SGCZ: variants seen among roughly 807,000 people sequenced by gnomAD.
SGCZ encodes zeta-sarcoglycan.
In SGCZ, 40 loss-of-function variants were observed where a neutral mutation model predicts 41.3. The ratio of observed to expected loss-of-function variants is 0.97; its 90% CI spans 0.75 to 1.26. SGCZ has a LOEUF of 1.26. Ranked by LOEUF, SGCZ falls within the 50% of genes most tolerant of loss-of-function variation. The probability of loss-of-function intolerance (pLI) is 0.00; values close to 1 mark genes in which losing one functional copy is unlikely to be tolerated. For missense variants in SGCZ, 552 were observed against 369.8 expected, an observed-to-expected ratio of 1.49 and a Z score of -4.04; for synonymous variants, 206 against 137.5, an observed-to-expected ratio of 1.50 and a Z score of -3.49.
intron 4 of SGCZ, among the ~76,000 whole-genome samples, chr8:14,198,392 A>C (rs1213320211): frequency 6.6e-6 from 1 of 152,206 alleles, no homozygotes; most frequent in East Asian, 1.9e-4. Context: ...AGAGGTGTTA[A>C]AGTGCTTATT....
Position 14,702,958 on chromosome 8 carries a change from TAGATAGATAGATAGAC to T in SGCZ, c.40-148048_40-148033del, listed in dbSNP as rs542338495. On this transcript the variant is annotated intron_variant, in intron 1 of 7. Transcript: ENST00000382080. ...ATAGATAGATAGATAGATAGATAGA[TAGATAGATAGATAGAC>T]AGACAGACAGACAGATAGATTTATT... Among the ~76,000 whole-genome samples, 336 of 141,852 alleles carry T rather than the reference TAGATAGATAGATAGAC, an allele frequency of 2.4e-3. 1 individual carries two copies. The highest frequency in any genetic ancestry group is 5.3e-3 in the South Asian group (23 of 4,316). 93.1% of individuals were successfully genotyped at this position (141,852 alleles called of 152,430 possible).
intron 2 of SGCZ, among the ~76,000 whole-genome samples, chr8:14,427,693 G>A (rs917613217): frequency 2.6e-5 from 4 of 152,010 alleles, no homozygotes; most frequent in African/African-American, 9.7e-5. Context: ...TATCTGCTTG[G>A]CAATCTCCCT....
chr8:14,258,037 A>G (rs1173496327), intron 3 of SGCZ, among the ~76,000 whole-genome samples: 1 of 152,208 alleles, frequency 6.6e-6, no homozygotes, highest in Non-Finnish European at 1.5e-5. Flanking sequence ...ACCTTGCGTG[A>G]CATTTTGATT....
chr8:14,634,869 T>G (rs985323606), intron 1 of SGCZ, among the ~76,000 whole-genome samples: 2 of 151,820 alleles, frequency 1.3e-5, no homozygotes, highest in Admixed American at 6.6e-5. Context: ...TTTTTGAGAG[T>G]TATGTATAGA....
At chr8:14,375,062 A>G (rs899330428) in intron 2 of SGCZ, among the ~76,000 whole-genome samples, 2 of 152,142 alleles carry the variant, frequency 1.3e-5, no homozygotes, top group African/African-American at 4.8e-5. Context: ...ACTGCAGAAG[A>G]GCTGAGGGAA....
rs570730281 is a variant in SGCZ at position 14,182,395 on chromosome 8, G to C, written c.425-17693C>G. 1.5e-3 allele frequency among the ~76,000 whole-genome samples: 232 copies of C among 152,208 alleles called. 6 individuals carry two copies. In the South Asian group the frequency reaches 0.044, roughly 29 times the overall value. On this transcript the variant is annotated intron_variant, in intron 4 of 7. Coordinates refer to ENST00000382080, the MANE Select transcript of SGCZ (RefSeq NM_139167.4). ...TTATTGCTCAAGCACAGTAGGCATA[G>C]AGCCAGAAAATTAGCTAAAAAGCAA...
chr8:14,351,193 T>C (rs1052211463), intron 2 of SGCZ, among the ~76,000 whole-genome samples: 1 of 152,184 alleles, frequency 6.6e-6, no homozygotes, highest in Non-Finnish European at 1.5e-5. Context: ...TACATTCTTA[T>C]TACTGGTATT....
In SGCZ at chr8:14,410,880, A is replaced by C. The variant is rs1200147067; in HGVS notation, c.235-86676T>G. Among the ~76,000 whole-genome samples the C allele has an allele frequency of 2.0e-5, 3 of 152,162 alleles. No individual in the cohort carries two copies. The East Asian group carries it at 5.8e-4, about 29-fold the overall frequency. On this transcript the variant is annotated intron_variant, in intron 2 of 7. Transcript: ENST00000382080. Reference sequence around the variant, plus strand: ...CAAATGGAACACTGCTATCTGAGGGAAAAGTTTAAAAAGCAGAAATGTTTA... The same window carrying C: ...CAAATGGAACACTGCTATCTGAGGGCAAAGTTTAAAAAGCAGAAATGTTTA...
intron 2 of SGCZ, among the ~76,000 whole-genome samples, chr8:14,418,549 A>G (rs1364941524): frequency 6.6e-6 from 1 of 152,040 alleles, no homozygotes; most frequent in South Asian, 2.1e-4. Context: ...GGTTTGTCTC[A>G]TTGTTTTACC....
At chr8:15,232,676 T>TACAC (rs1563198209) in intron 1 of SGCZ, among the ~76,000 whole-genome samples, 2 of 54,558 alleles carry the variant, frequency 3.7e-5, no homozygotes, top group Non-Finnish European at 1.0e-4. Flanking sequence ...TATGTGTGTG[T>TACAC]ATATATATAT....
intron 1 of SGCZ, among the ~76,000 whole-genome samples, chr8:15,212,853 T>A: frequency 6.6e-6 from 1 of 152,080 alleles, no homozygotes; most frequent in East Asian, 1.9e-4. Flanking sequence ...TTCAACATCA[T>A]TACTTTAAAA....
chr8:14,431,701 T>A (rs1242876482), intron 2 of SGCZ, among the ~76,000 whole-genome samples: 1 of 152,028 alleles, frequency 6.6e-6, no homozygotes, highest in Non-Finnish European at 1.5e-5. Context: ...CTTAATTAAA[T>A]GAAAGAACTT....
At chr8:14,360,397 C>A (rs1254276699) in intron 2 of SGCZ, among the ~76,000 whole-genome samples, 1 of 151,752 alleles carries the variant, frequency 6.6e-6, no homozygotes, top group Non-Finnish European at 1.5e-5. Flanking sequence ...ATGATCTCAA[C>A]TCGCTGTAAC....
intron 2 of SGCZ, among the ~76,000 whole-genome samples, chr8:14,512,423 T>G (rs1242929974): frequency 1.3e-5 from 2 of 152,148 alleles, no homozygotes; most frequent in African/African-American, 4.8e-5. Flanking sequence ...TAGCTCCTTG[T>G]GTATTAATGT....
intron 1 of SGCZ, among the ~76,000 whole-genome samples, chr8:15,034,729 A>T (rs1200937500): frequency 6.6e-6 from 1 of 152,176 alleles, no homozygotes; most frequent in Admixed American, 6.5e-5. Flanking sequence ...GAAGCAAGTC[A>T]CACATAAGGG....
intron 2 of SGCZ, among the ~76,000 whole-genome samples, chr8:14,327,112 G>A (rs936661670): frequency 2.6e-5 from 4 of 152,202 alleles, no homozygotes; most frequent in Non-Finnish European, 5.9e-5. Flanking sequence ...GGCAAATGGT[G>A]ATAAACTAAT....
chr8:15,153,612 G>C (rs1009031659), intron 1 of SGCZ, among the ~76,000 whole-genome samples: 5 of 152,064 alleles, frequency 3.3e-5, no homozygotes, highest in African/African-American at 7.2e-5. Context: ...CGGTGGTTAA[G>C]TGAGCTCTCG....
chr8:14,855,989 C>A (rs1803534442), intron 1 of SGCZ, among the ~76,000 whole-genome samples: 2 of 152,174 alleles, frequency 1.3e-5, no homozygotes, highest in Admixed American at 1.3e-4. Flanking sequence ...AATATAGTTA[C>A]CGACAATTCA....
intron 1 of SGCZ, among the ~76,000 whole-genome samples, chr8:15,079,894 C>G (rs1805677202): frequency 6.6e-6 from 1 of 152,114 alleles, no homozygotes; most frequent in East Asian, 1.9e-4. Context: ...TCCCTCTCCC[C>G]TTTTGGAATC....
Sources: allele counts gnomAD v4.1 joint callset (sites outside exome capture counted in the v4.1 genomes callset), GRCh38; gene constraint gnomAD v4.1.1; transcripts MANE v1.5; gene names NCBI Gene and HGNC (gene_info 2026-07-23, HGNC 2026-07-21).